The following LRRTM4 variants were observed in gnomAD, a reference collection of about 807,000 sequenced individuals.
The protein encoded by LRRTM4 is leucine-rich repeat transmembrane neuronal protein 4.
In LRRTM4, 25 loss-of-function variants were observed where a neutral mutation model predicts 47.6. That is an observed-to-expected ratio of 0.53 (90% CI 0.38 to 0.73). LRRTM4 has a LOEUF of 0.73. Among genes scored for constraint, LRRTM4 ranks in the 30% least tolerant of loss-of-function variants. The pLI, the probability that LRRTM4 is intolerant of heterozygous loss-of-function variation, is 0.00. For synonymous variants in LRRTM4, 311 were observed against 269.5 expected (o/e 1.15, Z -1.51); for missense variants, 638 against 713.4 (o/e 0.89, Z 1.20).
intron 3 of LRRTM4, among the ~76,000 whole-genome samples, chr2:76,774,218 C>CT (rs1360424003): frequency 6.6e-6 from 1 of 151,018 alleles, no homozygotes; most frequent in African/African-American, 2.4e-5. Flanking sequence ...TGGAGTCTTG[C>CT]TCTGTGGCCA....
intron 3 of LRRTM4, among the ~76,000 whole-genome samples, chr2:77,012,790 A>G (rs1677921959): frequency 6.6e-6 from 1 of 152,206 alleles, no homozygotes; most frequent in African/African-American, 2.4e-5. Context: ...TAAGAAAAGC[A>G]GACAAGATTA....
At chr2:76,935,660 A>T (rs1279941376) in intron 3 of LRRTM4, among the ~76,000 whole-genome samples, 1 of 152,156 alleles carries the variant, frequency 6.6e-6, no homozygotes, top group Non-Finnish European at 1.5e-5. Context: ...TTATTGGTGT[A>T]TAGGAATGTT....
At position 77,137,072 on chromosome 2, in the gene LRRTM4, ACTTC is replaced by A. The variant is rs1346512522; in HGVS notation, c.1551+381242_1551+381245del. ...ACTCTGCAAGATATTATCCAGGAGA[ACTTC>A]CCCAACCTACCAAGGCAGGTCAACA... On this transcript the variant is annotated intron_variant, in intron 3 of 3. Coordinates refer to ENST00000409884, the MANE Select transcript of LRRTM4 (RefSeq NM_001134745.3). 3.5e-3 allele frequency among the ~76,000 whole-genome samples: 539 copies of A among 152,050 alleles called. 3 individuals carry two copies. Among genetic ancestry groups the A allele is most frequent in the Middle Eastern group, 0.014 (4 of 294 alleles).
chr2:76,804,472 G>A (rs1319341971), intron 3 of LRRTM4, among the ~76,000 whole-genome samples: 1 of 151,738 alleles, frequency 6.6e-6, no homozygotes, highest in Non-Finnish European at 1.5e-5. Flanking sequence ...AATAAGTTAT[G>A]ACACATCTAA....
chr2:77,493,565 T>C (rs920024133), intron 3 of LRRTM4, among the ~76,000 whole-genome samples: 1 of 152,032 alleles, frequency 6.6e-6, no homozygotes, highest in African/African-American at 2.4e-5. Flanking sequence ...TGAGAATCTC[T>C]TAAAAGTTGA....
intron 3 of LRRTM4, among the ~76,000 whole-genome samples, chr2:77,165,352 G>A (rs562817441): frequency 9.9e-5 from 15 of 151,958 alleles, no homozygotes; most frequent in Non-Finnish European, 1.9e-4. Flanking sequence ...GTCCAGGACC[G>A]ACAGATTCAC....
chr2:77,125,547 C>A (rs1044970270), intron 3 of LRRTM4, among the ~76,000 whole-genome samples: 5 of 152,108 alleles, frequency 3.3e-5, no homozygotes, highest in Non-Finnish European at 1.5e-5. Flanking sequence ...TAAAAGTAAA[C>A]GAGGACCATC....
At chr2:77,248,303 CA>C (rs1360331680) in intron 3 of LRRTM4, among the ~76,000 whole-genome samples, 1 of 151,714 alleles carries the variant, frequency 6.6e-6, no homozygotes, top group Non-Finnish European at 1.5e-5. Context: ...AACACAAAAT[CA>C]GTATATTTTG....
intron 3 of LRRTM4, among the ~76,000 whole-genome samples, chr2:77,283,313 A>C (rs1676557668): frequency 6.6e-6 from 1 of 152,102 alleles, no homozygotes; most frequent in Admixed American, 6.6e-5. Flanking sequence ...TATTATAAAA[A>C]GTCAAAAAAC....
intron 3 of LRRTM4, among the ~76,000 whole-genome samples, chr2:77,088,734 C>CTGCTCTT (rs1437557473): frequency 6.6e-6 from 1 of 152,184 alleles, no homozygotes; most frequent in African/African-American, 2.4e-5. Context: ...CCCCGTCCTC[C>CTGCTCTT]TGCTCTTTGC....
intron 3 of LRRTM4, among the ~76,000 whole-genome samples, chr2:77,420,503 T>C (rs1182870399): frequency 6.6e-6 from 1 of 151,958 alleles, no homozygotes; most frequent in Non-Finnish European, 1.5e-5. Context: ...ACTATGTTAG[T>C]ATCATTGGGT....
chr2:77,048,854 T>C (rs1180870837), intron 3 of LRRTM4, among the ~76,000 whole-genome samples: 1 of 151,552 alleles, frequency 6.6e-6, no homozygotes, highest in Non-Finnish European at 1.5e-5. Flanking sequence ...TATAGAACAC[T>C]AGAACTTGTC....
intron 3 of LRRTM4, among the ~76,000 whole-genome samples, chr2:77,206,579 G>A (rs1364743699): frequency 6.6e-6 from 1 of 151,924 alleles, no homozygotes; most frequent in Non-Finnish European, 1.5e-5. Flanking sequence ...CCGCCTCCCG[G>A]GTTCAAGAGA....
chr2:76,866,993 C>A (rs1177425263), intron 3 of LRRTM4, among the ~76,000 whole-genome samples: 1 of 151,986 alleles, frequency 6.6e-6, no homozygotes, highest in African/African-American at 2.4e-5. Flanking sequence ...ACTGCATATT[C>A]TCACTTGTAA....
Position 77,521,681 on chromosome 2 carries a change from T to C in LRRTM4, c.-10A>G. 6.2e-7 allele frequency: 1 copy of C among 1,612,046 alleles called. No homozygotes were observed. The highest frequency in any genetic ancestry group is 2.2e-5 in the East Asian group (1 of 44,782). ...AAGTTCACTTACCCATCCTTTGTCATCCAAAAACGTTTCCCCCCTCTCTCA... is the reference window on the plus strand; with the variant it reads ...AAGTTCACTTACCCATCCTTTGTCACCCAAAAACGTTTCCCCCCTCTCTCA... On this transcript the variant is annotated 5_prime_UTR_variant, in exon 2 of 4. It removes an upstream start codon present in the reference 5' UTR. Transcript: ENST00000409884.
chr2:77,477,941 AAGAAAGAAAGAAAGAAAG>A (rs1354733404), intron 3 of LRRTM4, among the ~76,000 whole-genome samples: 40 of 148,334 alleles, frequency 2.7e-4, no homozygotes, highest in African/African-American at 9.9e-4. Context: ...GAAAGAAAGA[AAGAAAGAAAGAAAGAAAG>A]AAAGAAAGAA....
intron 3 of LRRTM4, among the ~76,000 whole-genome samples, chr2:77,017,883 A>G (rs1678124228): frequency 1.3e-5 from 2 of 150,424 alleles, no homozygotes; most frequent in South Asian, 2.1e-4. Flanking sequence ...AAAATTATAT[A>G]TTAGAAAGCG....
chr2:77,440,987 ATTAT>A (rs1273416854), intron 3 of LRRTM4, among the ~76,000 whole-genome samples: 1 of 152,258 alleles, frequency 6.6e-6, no homozygotes, highest in Non-Finnish European at 1.5e-5. Context: ...AGCTATTTAC[ATTAT>A]TTATTCTTAC....
At chr2:77,293,870 GC>G (rs1194014672) in intron 3 of LRRTM4, among the ~76,000 whole-genome samples, 1 of 152,082 alleles carries the variant, frequency 6.6e-6, no homozygotes, top group African/African-American at 2.4e-5. Flanking sequence ...AACTTTATCA[GC>G]CTATGGTCCC....
Sources: allele counts gnomAD v4.1 joint callset (sites outside exome capture counted in the v4.1 genomes callset), GRCh38; gene constraint gnomAD v4.1.1; transcripts MANE v1.5; gene names NCBI Gene and HGNC (gene_info 2026-07-23, HGNC 2026-07-21).